Variants in ARHGAP40 observed in about 807,000 individuals in gnomAD.
The protein encoded by ARHGAP40 is Rho GTPase activating protein 40.
In ARHGAP40, 43 loss-of-function variants were observed where a neutral mutation model predicts 73.5. The observed-to-expected ratio is 0.58, with a 90% CI of 0.46 to 0.75. The LOEUF (loss-of-function observed/expected upper bound fraction) is 0.75. Among genes scored for constraint, ARHGAP40 ranks in the 30% least tolerant of loss-of-function variants. ARHGAP40 has a pLI of 0.00. For synonymous variants in ARHGAP40, 300 were observed against 352.8 expected (o/e 0.85, Z 1.68); for missense variants, 734 against 861.8 (o/e 0.85, Z 1.86).
chr20:38,641,946 C>G (rs574942175), intron 10 of ARHGAP40, 138 bp downstream of exon 10: 4 of 602,872 alleles, frequency 6.6e-6, no homozygotes, highest in African/African-American at 6.1e-5. Flanking sequence ...CCCACACAAA[C>G]CTCTCTTGAG....
At chr20:38,615,659 A>G (rs1255295459) in intron 1 of ARHGAP40, among the ~76,000 whole-genome samples, 1 of 151,940 alleles carries the variant, frequency 6.6e-6, no homozygotes, top group Non-Finnish European at 1.5e-5. Context: ...TGGGGGTTGG[A>G]GATAGGGTGG....
intron 6 of ARHGAP40, among the ~76,000 whole-genome samples, chr20:38,636,605 A>T (rs907088008): frequency 6.6e-6 from 1 of 152,092 alleles, no homozygotes; most frequent in Non-Finnish European, 1.5e-5. Context: ...CTCCTCGTGG[A>T]TGTATTCTAA....
intron 1 of ARHGAP40, 115 bp downstream of exon 1, chr20:38,602,194 A>G (rs2088739424): frequency 8.6e-7 from 1 of 1,160,908 alleles, no homozygotes; most frequent in Non-Finnish European, 1.1e-6. Context: ...CGTACAGATG[A>G]GGAAACAGAG....
intron 2 of ARHGAP40, among the ~76,000 whole-genome samples, chr20:38,623,885 C>T (rs929312183): frequency 6.6e-6 from 1 of 152,216 alleles, no homozygotes; most frequent in Non-Finnish European, 1.5e-5. Context: ...ACAAAACAGT[C>T]TCCTATATAC....
intron 5 of ARHGAP40, among the ~76,000 whole-genome samples, chr20:38,630,245 G>C (rs1348087269): frequency 7.6e-6 from 1 of 130,776 alleles, no homozygotes; most frequent in Non-Finnish European, 1.6e-5. Flanking sequence ...TTTGAGACAA[G>C]GTCTCACTCT....
Position 38,641,804 on chromosome 20 carries a change from T to C in ARHGAP40, c.1358T>C (p.Leu453Ser), listed in dbSNP as rs199570269. 79 of 1,292,088 alleles carry C rather than the reference T, an allele frequency of 6.1e-5. No homozygotes were observed. Among genetic ancestry groups the C allele is most frequent in the Admixed American group, 2.5e-5 (1 of 40,542 alleles). The allele number at this position is 1,292,088 out of a possible 1,614,324, so 80.0% of individuals were successfully genotyped here. The change falls in exon 10 of 15, where the codon TTA becomes TCA. Residue 453 changes from leucine (L) to serine (S), a missense_variant. Leu to Ser is a moderately radical substitution (Grantham distance 145, BLOSUM62 -2). Coordinates refer to ENST00000373345, the Ensembl canonical transcript of ARHGAP40. ...CTCCCAGAACCCAACAGAAATGCCT[T>C]AAAGGTAAGAGTTACCATGCACCAC...
At chr20:38,649,821 G>A in exon 15 of ARHGAP40, 1 of 1,305,278 alleles carries the variant, frequency 7.7e-7, no homozygotes, top group Non-Finnish European at 1.0e-6. Context: ...CGCATGGTGA[G>A]TGGGTCCTTA....
rs138072885 is a variant in ARHGAP40, at chr20:38,607,818, G to A, written c.137+5739G>A. ...ATAGAGTTCATCCTTGTTTTATTTC[G>A]CATTGCCCTGATTACTTGCGAGGCT... is the stretch of plus-strand genomic sequence containing the variant. On this transcript the variant is annotated intron_variant, in intron 1 of 14. Transcript: ENST00000373345. Among the ~76,000 whole-genome samples the A allele has an allele frequency of 2.2e-4, 33 of 152,194 alleles. No individual in the cohort carries two copies. In the East Asian group the frequency reaches 6.2e-3, roughly 29 times the overall value.
chr20:38,649,554 A>ATGG (rs2089075338), intron 14 of ARHGAP40, among the ~76,000 whole-genome samples: 1 of 152,200 alleles, frequency 6.6e-6, no homozygotes, highest in Non-Finnish European at 1.5e-5. Flanking sequence ...TGGGCTTCCC[A>ATGG]GGGGAAAGGG....
At chr20:38,648,578 G>C in intron 13 of ARHGAP40, 65 bp from the exon 14 acceptor site, 1 of 1,250,404 alleles carries the variant, frequency 8.0e-7, no homozygotes, top group South Asian at 1.3e-5. Context: ...ATGCACAGTT[G>C]TTGGTCTTGA....
chr20:38,636,260 A>ATT (rs1388871242), intron 6 of ARHGAP40, among the ~76,000 whole-genome samples: 2 of 149,256 alleles, frequency 1.3e-5, no homozygotes, highest in South Asian at 2.1e-4. Context: ...ATTTTTATTT[A>ATT]TTTATTTTTT....
exon 10 of ARHGAP40, chr20:38,641,726 A>G (rs2089019281): frequency 4.6e-6 from 6 of 1,296,614 alleles, no homozygotes; most frequent in Non-Finnish European, 6.1e-6. Context: ...CTTCCCGCAG[A>G]CATCCCCAAC....
intron 10 of ARHGAP40, 92 bp from the exon 11 acceptor site, chr20:38,643,612 A>AC (rs1233541732): frequency 9.3e-7 from 1 of 1,080,568 alleles, no homozygotes; most frequent in Admixed American, 2.5e-5. Flanking sequence ...CCTTCCTAGC[A>AC]CCCCCTTATC....
At chr20:38,625,658 A>C (rs2088895087) in intron 2 of ARHGAP40, among the ~76,000 whole-genome samples, 1 of 152,188 alleles carries the variant, frequency 6.6e-6, no homozygotes, top group Admixed American at 6.5e-5. Flanking sequence ...ATCTCAGGTG[A>C]TCTGCCCACC....
At chr20:38,615,249 C>T (rs773644465) in intron 1 of ARHGAP40, 1 of 770,072 alleles carries the variant, frequency 1.3e-6, no homozygotes, top group Non-Finnish European at 2.4e-6. Flanking sequence ...CATTCATGAT[C>T]CCTCATCTTC....
intron 6 of ARHGAP40, among the ~76,000 whole-genome samples, chr20:38,635,645 A>G (rs2088970275): frequency 6.6e-6 from 1 of 152,168 alleles, no homozygotes; most frequent in Non-Finnish European, 1.5e-5. Context: ...CCTGGGTGAC[A>G]GAGACAGACT....
At chr20:38,607,904 G>A (rs1039742370) in intron 1 of ARHGAP40, among the ~76,000 whole-genome samples, 1 of 152,102 alleles carries the variant, frequency 6.6e-6, no homozygotes, top group African/African-American at 2.4e-5. Flanking sequence ...ATTTCTATCT[G>A]CTGCCAACTT....
intron 9 of ARHGAP40, among the ~76,000 whole-genome samples, chr20:38,640,134 CTTCTTCTTTCTTCTTCCTCTTCT>C (rs1568611126): frequency 4.0e-5 from 3 of 75,926 alleles, no homozygotes; most frequent in Non-Finnish European, 7.0e-5. Flanking sequence ...CCTCTTCTTT[CTTCTTCTTTCTTCTTCCTCTTCT>C]TTCTTCTTTC....
rs538454630 is a variant in ARHGAP40, at chr20:38,643,844, G to T, written c.1503G>T (p.Lys501Asn). 11 of 1,305,462 alleles carry T rather than the reference G, an allele frequency of 8.4e-6. No homozygotes were observed. In the African/African-American group the frequency reaches 1.1e-4, roughly 13 times the overall value. The allele number at this position is 1,305,462 out of a possible 1,614,324, so 80.9% of individuals were successfully genotyped here. A position where few individuals can be genotyped will look rare whatever the true frequency, so the allele number is the denominator to read the frequency against. ...CCAAGCTCCCCAAAGGCAAGGAGAA[G>T]CAGCTGGCAGAAGGGGCAGCCGAGG... Residue 501 changes from lysine (K) to asparagine (N), a missense_variant, in exon 11 of 15, where the codon AAG (lysine) becomes AAT (asparagine). Transcript: ENST00000373345.
Sources: allele counts gnomAD v4.1 joint callset (sites outside exome capture counted in the v4.1 genomes callset), GRCh38; gene constraint gnomAD v4.1.1; transcripts MANE v1.5; gene names NCBI Gene and HGNC (gene_info 2026-07-23, HGNC 2026-07-21).